Variants in NTRK3 observed in about 807,000 individuals in gnomAD.
NTRK3 encodes neurotrophic receptor tyrosine kinase 3, also known as NT-3 growth factor receptor.
Under a neutral mutation model 91.7 loss-of-function variants are expected in NTRK3, and 24 were observed. The observed-to-expected ratio is 0.26, with a 90% CI of 0.19 to 0.37. NTRK3 has a LOEUF of 0.37. NTRK3 is among the 10% of genes least tolerant of loss of function. The pLI is 1.00. For synonymous variants in NTRK3, 483 were observed against 404.0 expected, an observed-to-expected ratio of 1.20 and a Z score of -2.34; for missense variants, 880 against 1,068.9, an observed-to-expected ratio of 0.82 and a Z score of 2.46.
At chr15:87,960,828 A>G (rs1044963273) in intron 14 of NTRK3, among the ~76,000 whole-genome samples, 3 of 152,096 alleles carry the variant, frequency 2.0e-5, no homozygotes, top group Non-Finnish European at 4.4e-5. Context: ...GTCCTCCCCT[A>G]GAAATTACTC....
At chr15:88,228,716 C>T in intron 3 of NTRK3, among the ~76,000 whole-genome samples, 1 of 152,192 alleles carries the variant, frequency 6.6e-6, no homozygotes, top group Non-Finnish European at 1.5e-5. Flanking sequence ...TCCACAAAGC[C>T]TCACACGCAG....
At chr15:87,881,362 T>G (rs1320524481) in intron 17 of NTRK3, among the ~76,000 whole-genome samples, 1 of 152,238 alleles carries the variant, frequency 6.6e-6, no homozygotes, top group Non-Finnish European at 1.5e-5. Flanking sequence ...GTTGTCTATT[T>G]ATGTCCGGAT....
At chr15:88,198,676 G>A (rs140860774) in intron 3 of NTRK3, among the ~76,000 whole-genome samples, 279 of 152,048 alleles carry the variant, frequency 1.8e-3, no homozygotes, top group African/African-American at 6.3e-3. Context: ...CACCCTCCTC[G>A]TGCCCCATGC....
intron 3 of NTRK3, chr15:88,206,057 A>T (rs780811871): frequency 6.6e-6 from 1 of 152,358 alleles, no homozygotes; most frequent in Non-Finnish European, 1.5e-5. Context: ...AACTCTCCAG[A>T]GGCCGGGCGC....
intron 14 of NTRK3, among the ~76,000 whole-genome samples, chr15:88,031,408 G>T (rs2078520056): frequency 6.6e-6 from 1 of 152,192 alleles, no homozygotes; most frequent in African/African-American, 2.4e-5. Context: ...CACCATAGAA[G>T]GTCCTTCCTC....
chr15:87,998,850 CATG>C (rs148096846), intron 14 of NTRK3, among the ~76,000 whole-genome samples: 6,090 of 152,228 alleles, frequency 0.04, 419 homozygotes, highest in African/African-American at 0.14. Flanking sequence ...TACTGCCTCA[CATG>C]ATGAAGTTCC....
intron 14 of NTRK3, among the ~76,000 whole-genome samples, chr15:88,009,458 T>C (rs1441392299): frequency 6.6e-6 from 1 of 152,172 alleles, no homozygotes; most frequent in East Asian, 1.9e-4. Flanking sequence ...CACCTAATGG[T>C]TGCCATGCAG....
intron 13 of NTRK3, among the ~76,000 whole-genome samples, chr15:88,094,212 A>G (rs1265960630): frequency 2.0e-5 from 3 of 151,680 alleles, no homozygotes; most frequent in Non-Finnish European, 2.9e-5. Flanking sequence ...CACGCCTGTA[A>G]TCCCAGCACT....
intron 5 of NTRK3, among the ~76,000 whole-genome samples, chr15:88,149,107 G>A (rs945476834): frequency 7.9e-5 from 12 of 152,330 alleles, no homozygotes; most frequent in African/African-American, 2.6e-4. Context: ...AGAGGTTGGG[G>A]CTGGGTAAGA....
At chr15:88,159,563 C>G (rs924951248) in intron 5 of NTRK3, among the ~76,000 whole-genome samples, 24 of 152,158 alleles carry the variant, frequency 1.6e-4, no homozygotes, top group Admixed American at 1.3e-3. Context: ...TTTGTTTTCC[C>G]CATGGGCAAG....
In NTRK3 at chr15:87,959,758, T is replaced by C. The variant is rs187352330; in HGVS notation, c.1586-19005A>G. Among the ~76,000 whole-genome samples the C allele has an allele frequency of 2.0e-5, 3 of 152,340 alleles. No homozygotes were observed. The East Asian group carries it at 5.8e-4, about 29-fold the overall frequency. On this transcript the variant is annotated intron_variant, in intron 14 of 18. Coordinates refer to ENST00000394480, the Ensembl canonical transcript of NTRK3. Reference sequence around the variant, plus strand: ...ACCAACACAAAAGGGCCACGGAATCTACTGGAAAGCCCTCAAATATGTGGC... The same window carrying C: ...ACCAACACAAAAGGGCCACGGAATCCACTGGAAAGCCCTCAAATATGTGGC...
intron 3 of NTRK3, among the ~76,000 whole-genome samples, chr15:88,199,416 G>C (rs923277933): frequency 6.6e-6 from 1 of 152,152 alleles, no homozygotes; most frequent in East Asian, 1.9e-4. Context: ...GCCAAATGGG[G>C]CTCCTGGCTC....
At chr15:87,960,913 C>T (rs2072217281) in intron 14 of NTRK3, among the ~76,000 whole-genome samples, 1 of 152,198 alleles carries the variant, frequency 6.6e-6, no homozygotes, top group Non-Finnish European at 1.5e-5. Context: ...GCTTCCCAAT[C>T]ATTTCTCAAG....
At chr15:87,864,073 C>G (rs1277567732) in exon 19 of NTRK3, 8 of 232,452 alleles carry the variant, frequency 3.4e-5, no homozygotes, top group South Asian at 1.8e-4. Context: ...CTTCCCCCAA[C>G]AGTACACAAA....
At chr15:88,246,420 G>A (rs564059319) in intron 3 of NTRK3, among the ~76,000 whole-genome samples, 10 of 152,264 alleles carry the variant, frequency 6.6e-5, no homozygotes, top group African/African-American at 2.2e-4. Flanking sequence ...CTTGTCGTCC[G>A]GTAATTTCCA....
chr15:87,912,957 T>C (rs1162889656), intron 17 of NTRK3, among the ~76,000 whole-genome samples: 1 of 125,548 alleles, frequency 8.0e-6, no homozygotes, highest in Non-Finnish European at 1.7e-5. Flanking sequence ...TATATATATA[T>C]ATATATATAT....
At chr15:87,909,172 T>G (rs888814993) in intron 17 of NTRK3, among the ~76,000 whole-genome samples, 4 of 152,004 alleles carry the variant, frequency 2.6e-5, no homozygotes, top group African/African-American at 9.7e-5. Context: ...GCCTCAGCCC[T>G]CCTCCTCCTT....
exon 19 of NTRK3, chr15:87,867,847 G>C (rs566126371): frequency 4.4e-6 from 1 of 226,294 alleles, no homozygotes; most frequent in Admixed American, 5.7e-5. Context: ...ATTTCCCCCA[G>C]AAAATTAATT....
intron 18 of NTRK3, among the ~76,000 whole-genome samples, chr15:87,879,016 T>A (rs1237551739): frequency 2.0e-5 from 3 of 151,964 alleles, no homozygotes; most frequent in African/African-American, 7.3e-5. Flanking sequence ...ACAAATGGGT[T>A]CTAGTATATA....
Sources: allele counts gnomAD v4.1 joint callset (sites outside exome capture counted in the v4.1 genomes callset), GRCh38; gene constraint gnomAD v4.1.1; transcripts MANE v1.5; gene names NCBI Gene and HGNC (gene_info 2026-07-23, HGNC 2026-07-21).